Variants in LIMCH1 observed in about 807,000 individuals in gnomAD.
The protein encoded by LIMCH1 is LIM and calponin homology domains 1, also known as LIM and calponin homology domains-containing protein 1.
A neutral mutation model predicts 176.5 loss-of-function variants in LIMCH1; 113 were observed. The ratio of observed to expected loss-of-function variants is 0.64; its 90% CI spans 0.55 to 0.75. The LOEUF (loss-of-function observed/expected upper bound fraction) is 0.75, where lower values mean the gene tolerates loss of function less well. LIMCH1 is among the 30% of genes least tolerant of loss of function. The probability of loss-of-function intolerance (pLI) is 0.00; values close to 1 mark genes in which losing one functional copy is unlikely to be tolerated. For missense variants in LIMCH1, 1,674 were observed against 1,814.9 expected (o/e 0.92, Z 1.41); for synonymous variants, 619 against 645.9 (o/e 0.96, Z 0.63).
intron 1 of LIMCH1, among the ~76,000 whole-genome samples, chr4:41,388,673 A>C (rs2056819742): frequency 6.6e-6 from 1 of 150,906 alleles, no homozygotes; most frequent in African/African-American, 2.5e-5. Context: ...ACAGAGTTTC[A>C]CTCTTGTCAC....
chr4:41,613,563 G>C lies in LIMCH1; in HGVS notation c.107G>C (p.Arg36Pro). 6.2e-7 allele frequency: 1 copy of C among 1,614,026 alleles called. No homozygotes were observed. Among genetic ancestry groups the C allele is most frequent in the Non-Finnish European group, 8.5e-7 (1 of 1,180,014 alleles). The change falls in exon 5 of 32, where the codon CGC becomes CCC. Residue 36 changes from arginine (R) to proline (P), a missense_variant. By Grantham distance (103) the Arg-to-Pro change is moderately radical. This residue lies in a region of LIMCH1 where 655 missense variants were observed against 692.2 expected (regional missense o/e 0.95). Coordinates refer to ENST00000503057, the MANE Select transcript of LIMCH1 (RefSeq NM_001330672.2). Reference sequence around the variant, plus strand: ...CGCAGCGACTCCCTCTCTCCTCCTCGCCACGGCAGAGATGATTCCTTCGAC... The same window carrying C: ...CGCAGCGACTCCCTCTCTCCTCCTCCCCACGGCAGAGATGATTCCTTCGAC... ...SERSDSLSPPRHGRDDSFDSL... is the reference protein window; with the variant it reads ...SERSDSLSPPPHGRDDSFDSL...
intron 1 of LIMCH1, among the ~76,000 whole-genome samples, chr4:41,481,306 G>C (rs1206543073): frequency 6.6e-6 from 1 of 152,200 alleles, no homozygotes; most frequent in Non-Finnish European, 1.5e-5. Flanking sequence ...AGGAAGAAGA[G>C]TTGGGCTTCA....
intron 3 of LIMCH1, among the ~76,000 whole-genome samples, chr4:41,526,287 A>G (rs1399115224): frequency 4.8e-5 from 7 of 145,884 alleles, no homozygotes; most frequent in Non-Finnish European, 7.5e-5. Context: ...GCCCCTTTCA[A>G]TGAACACCTC....
At chr4:41,637,262 C>T (rs1320718234) in intron 13 of LIMCH1, among the ~76,000 whole-genome samples, 1 of 152,200 alleles carries the variant, frequency 6.6e-6, no homozygotes, top group African/African-American at 2.4e-5. Context: ...GATCTCTGCT[C>T]ACTGCAACCT....
chr4:41,405,724 A>G (rs1480924316), intron 1 of LIMCH1, among the ~76,000 whole-genome samples: 2 of 151,978 alleles, frequency 1.3e-5, no homozygotes, highest in African/African-American at 2.4e-5. Flanking sequence ...ATTTGATTAT[A>G]TGAATGTATC....
In LIMCH1 at chr4:41,629,523, A is replaced by G; in HGVS notation, c.1060A>G (p.Ile354Val). The G allele has an allele frequency of 3.3e-6, 5 of 1,536,072 alleles. No individual in the cohort carries two copies. The highest frequency in any genetic ancestry group is 1.7e-6 in the Non-Finnish European group (2 of 1,146,892). ...NQGHTEEVKL[I>V]VTCNMRAQES... is the part of the protein sequence containing the mutation. Reference sequence around the variant, plus strand: ...GGGCCACACAGAAGAGGTGAAGTTGATAGTGACCTGTAACATGAGGGCTCA... The same window carrying G: ...GGGCCACACAGAAGAGGTGAAGTTGGTAGTGACCTGTAACATGAGGGCTCA... Residue 354 changes from isoleucine (I) to valine (V), a missense_variant, in exon 9 of 32, where the codon ATA (isoleucine) becomes GTA (valine). Physicochemically the swap from Ile to Val is conservative, Grantham distance 29. This residue lies in a region of LIMCH1 where 655 missense variants were observed against 692.2 expected (regional missense o/e 0.95). Transcript: ENST00000503057.
intron 13 of LIMCH1, among the ~76,000 whole-genome samples, chr4:41,635,024 C>A (rs1210465182): frequency 2.0e-5 from 3 of 152,188 alleles, no homozygotes; most frequent in Admixed American, 6.5e-5. Flanking sequence ...GGCGCTCTCC[C>A]ATTCATTTAT....
intron 1 of LIMCH1, among the ~76,000 whole-genome samples, chr4:41,541,299 T>C (rs1486173405): frequency 6.7e-6 from 1 of 150,288 alleles, no homozygotes; most frequent in Non-Finnish European, 1.5e-5. Flanking sequence ...AGAGTGTAGA[T>C]TCGGGAAGGC....
chr4:41,614,723 A>G (rs1404616970), intron 5 of LIMCH1, among the ~76,000 whole-genome samples: 1 of 151,980 alleles, frequency 6.6e-6, no homozygotes, highest in African/African-American at 2.4e-5. Flanking sequence ...CTCATTCAAC[A>G]CTCCCACAGA....
chr4:41,438,379 T>TC (rs2062324191), intron 1 of LIMCH1, among the ~76,000 whole-genome samples: 1 of 151,730 alleles, frequency 6.6e-6, no homozygotes, highest in African/African-American at 2.4e-5. Context: ...TTCTTTTCTT[T>TC]TTTTTTTTTT....
At chr4:41,614,608 C>T (rs533033135) in intron 5 of LIMCH1, among the ~76,000 whole-genome samples, 5 of 152,250 alleles carry the variant, frequency 3.3e-5, no homozygotes, top group African/African-American at 9.6e-5. Flanking sequence ...AATTCTGTTA[C>T]GAAAATACTT....
intron 2 of LIMCH1, among the ~76,000 whole-genome samples, chr4:41,507,067 G>T (rs1386177487): frequency 6.6e-6 from 1 of 152,148 alleles, no homozygotes; most frequent in Non-Finnish European, 1.5e-5. Context: ...GAACTCCGGG[G>T]TACATCCGTG....
chr4:41,607,632 T>C (rs960577061), intron 4 of LIMCH1, among the ~76,000 whole-genome samples: 1 of 152,270 alleles, frequency 6.6e-6, no homozygotes, highest in African/African-American at 2.4e-5. Flanking sequence ...TGATTTATTC[T>C]CATGATTGAC....
intron 1 of LIMCH1, among the ~76,000 whole-genome samples, chr4:41,429,377 C>G (rs2061401919): frequency 6.6e-6 from 1 of 152,040 alleles, no homozygotes; most frequent in Admixed American, 6.6e-5. Flanking sequence ...GTGAAGGGTA[C>G]TCATTTCTGA....
At chr4:41,597,972 G>A (rs10006669) in intron 1 of LIMCH1, among the ~76,000 whole-genome samples, 52,110 of 152,066 alleles carry the variant, frequency 0.34, 14,362 homozygotes, top group African/African-American at 0.77. Context: ...CACCACCATC[G>A]TTTCAGATTT....
At chr4:41,399,977 C>T (rs1183755233) in intron 1 of LIMCH1, among the ~76,000 whole-genome samples, 7 of 150,820 alleles carry the variant, frequency 4.6e-5, no homozygotes, top group Non-Finnish European at 8.9e-5. Flanking sequence ...CCACCGTGCC[C>T]GGCCGAGGTG....
Position 41,620,616 on chromosome 4 carries a change from T to A in LIMCH1, c.651T>A (p.Ala217=), listed in dbSNP as rs2092494447. ...APAPKSEEKD[A]AEIQKRKRLE... ...CTCCCAAGTCTGAAGAAAAAGATGC[T>A]GCTGAGATCCAAAAGCGCAAAAGGC... The change falls in exon 7 of 32, where the codon GCT becomes GCA. Residue 217 remains alanine (A), a synonymous_variant. Coordinates refer to ENST00000503057, the MANE Select transcript of LIMCH1 (RefSeq NM_001330672.2). 2 of 1,536,046 alleles carry A rather than the reference T, an allele frequency of 1.3e-6. No individual in the cohort carries two copies. The highest frequency in any genetic ancestry group is 1.2e-5 in the South Asian group (1 of 84,068).
chr4:41,500,009 C>T (rs374441420), intron 2 of LIMCH1, among the ~76,000 whole-genome samples: 49 of 152,292 alleles, frequency 3.2e-4, no homozygotes, highest in African/African-American at 1.0e-3. Context: ...CTAATTTCTT[C>T]CTCATGGTTA....
chr4:41,426,045 G>A (rs1205892646), intron 1 of LIMCH1, among the ~76,000 whole-genome samples: 5 of 127,864 alleles, frequency 3.9e-5, no homozygotes, highest in South Asian at 5.1e-4. Context: ...TTTTTGAGAC[G>A]GAGTCTCGCT....
Sources: allele counts gnomAD v4.1 joint callset (sites outside exome capture counted in the v4.1 genomes callset), GRCh38; gene constraint gnomAD v4.1.1; regional missense constraint gnomAD v4.1.1; transcripts MANE v1.5; gene names NCBI Gene and HGNC (gene_info 2026-07-23, HGNC 2026-07-21).